PRSS3: variants seen among roughly 807,000 people sequenced by gnomAD.
The protein encoded by PRSS3 is trypsin-3.
Under a neutral mutation model 20.8 loss-of-function variants are expected in PRSS3, and 14 were observed. That is an observed-to-expected ratio of 0.67 (90% CI 0.44 to 1.05). PRSS3 has a LOEUF of 1.05. Among genes scored for constraint, PRSS3 ranks in the 50% least tolerant of loss-of-function variants. PRSS3 has a pLI of 0.00. For missense variants in PRSS3, 237 were observed against 306.4 expected (o/e 0.77, Z 1.69); for synonymous variants, 91 against 117.6 (o/e 0.77, Z 1.46).
At position 33,798,673 on chromosome 9, in the gene PRSS3, C is replaced by A. The variant is rs941584680; in HGVS notation, c.591+51C>A. On this transcript the variant is annotated intron_variant, in intron 4 of 4. Coordinates refer to ENST00000379405, the MANE Select transcript of PRSS3 (RefSeq NM_002771.4). The stretch of plus-strand genomic sequence containing the variant: ...GGCTCCCACCGATACCCAGGCCCCA[C>A]CGGGGAAAAAGATTTGAACTCCCAA... 3 of 1,583,784 alleles carry A rather than the reference C, an allele frequency of 1.9e-6. No individual in the cohort carries two copies. In the East Asian group the frequency reaches 6.8e-5, roughly 36 times the overall value.
chr9:33,760,516 G>A lies in PRSS3; in HGVS notation c.-53+9789G>A, dbSNP rs552532114. On this transcript the variant is annotated intron_variant, in intron 1 of 5. Coordinates refer to the PRSS3 transcript ENST00000342836. ...AATCCCAGCACTTTGGGAGGCCGAC[G>A]CTGGTGGATCATGAGGTCAGGAGAT... Among the ~76,000 whole-genome samples, 40 of 152,156 alleles carry A rather than the reference G, an allele frequency of 2.6e-4. No individual in the cohort carries two copies. The South Asian group carries it at 4.6e-3, about 17-fold the overall frequency.
chr9:33,795,406 A>G (rs1824860565), upstream of PRSS3: 3 of 892,990 alleles, frequency 3.4e-6, no homozygotes, highest in Admixed American at 6.5e-5. Flanking sequence ...AAACCCACAG[A>G]GTGGCCAAAC....
At chr9:33,786,366 T>C (rs112104938) in intron 1 of PRSS3, 6,267 of 617,676 alleles carry the variant, frequency 0.01, 53 homozygotes, top group Non-Finnish European at 0.013. Context: ...GAAGGGGATA[T>C]GTTAGATTAA....
At chr9:33,791,326 A>C (rs1392590658), upstream of PRSS3, among the ~76,000 whole-genome samples, 5 of 152,076 alleles carry the variant, frequency 3.3e-5, no homozygotes, top group Admixed American at 1.3e-4. Flanking sequence ...TGGATGGAGC[A>C]CTCAGTTCTG....
chr9:33,774,900 C>T (rs1319659548), intron 1 of PRSS3, among the ~76,000 whole-genome samples: 2 of 152,136 alleles, frequency 1.3e-5, no homozygotes, highest in Middle Eastern at 3.4e-3. Context: ...GCAGGAGAAT[C>T]GCTTGAATCT....
At chr9:33,773,865 C>A (rs1028887749) in intron 1 of PRSS3, among the ~76,000 whole-genome samples, 2 of 152,168 alleles carry the variant, frequency 1.3e-5, no homozygotes, top group Non-Finnish European at 2.9e-5. Flanking sequence ...ATCTTGAACT[C>A]CTGGGCTCAA....
At chr9:33,796,169 C>G (rs1227539298) in intron 1 of PRSS3, among the ~76,000 whole-genome samples, 2 of 152,216 alleles carry the variant, frequency 1.3e-5, no homozygotes, top group Non-Finnish European at 2.9e-5. Flanking sequence ...TGGGGCTGCC[C>G]TCAACTCTGC....
chr9:33,767,825 G>GA (rs942197956), intron 1 of PRSS3, among the ~76,000 whole-genome samples: 44 of 146,192 alleles, frequency 3.0e-4, no homozygotes, highest in Middle Eastern at 3.5e-3. Context: ...ACCTCTGTCT[G>GA]AAAAAAAAAG....
chr9:33,777,900 AT>A (rs1241768788), intron 1 of PRSS3, among the ~76,000 whole-genome samples: 1 of 152,156 alleles, frequency 6.6e-6, no homozygotes, highest in African/African-American at 2.4e-5. Context: ...ATAGTTTTAA[AT>A]GTATCATTCT....
At chr9:33,752,292 C>G (rs556851695) in intron 1 of PRSS3, among the ~76,000 whole-genome samples, 2 of 152,302 alleles carry the variant, frequency 1.3e-5, no homozygotes, top group Non-Finnish European at 2.9e-5. Context: ...TCCCCCCTAC[C>G]TTCAGTTAAA....
chr9:33,776,982 A>G (rs1278122591), intron 1 of PRSS3, among the ~76,000 whole-genome samples: 1 of 152,172 alleles, frequency 6.6e-6, no homozygotes, highest in African/African-American at 2.4e-5. Flanking sequence ...TCTGTAGAAA[A>G]CCTACCTAGG....
At chr9:33,798,807 G>A (rs1171923275) in intron 4 of PRSS3, 185 bp downstream of exon 4, 1 of 1,134,560 alleles carries the variant, frequency 8.8e-7, no homozygotes, top group Non-Finnish European at 1.3e-6. Context: ...GAGGAAGGTG[G>A]CGGGGCTGAG....
At chr9:33,752,232 G>A (rs863849) in intron 1 of PRSS3, among the ~76,000 whole-genome samples, 16,937 of 152,154 alleles carry the variant, frequency 0.11, 1,363 homozygotes, top group African/African-American at 0.22. Flanking sequence ...GATGGCCGAG[G>A]CGAAGTTATT....
intron 1 of PRSS3, among the ~76,000 whole-genome samples, chr9:33,763,441 TG>T (rs1364809694): frequency 6.6e-6 from 1 of 152,226 alleles, no homozygotes; most frequent in Non-Finnish European, 1.5e-5. Context: ...GGCTCACGCC[TG>T]TAATCCCAGC....
intron 1 of PRSS3, among the ~76,000 whole-genome samples, chr9:33,775,700 G>T (rs1210961752): frequency 1.6e-5 from 2 of 128,694 alleles, no homozygotes; most frequent in African/African-American, 2.9e-5. Flanking sequence ...TGGGCTTGAA[G>T]TTTTTTTTTT....
At chr9:33,762,260 C>G (rs1188725535) in intron 1 of PRSS3, 4 of 152,248 alleles carry the variant, frequency 2.6e-5, no homozygotes, top group Non-Finnish European at 5.9e-5. Flanking sequence ...TCCTTCTGAC[C>G]GTGCTGTTCC....
chr9:33,764,792 C>T (rs1463382933), intron 1 of PRSS3, among the ~76,000 whole-genome samples: 9 of 152,122 alleles, frequency 5.9e-5, no homozygotes, highest in Non-Finnish European at 8.8e-5. Flanking sequence ...TGTTAAGAAA[C>T]CTGTATCTAG....
chr9:33,792,380 T>C (rs1824674018), upstream of PRSS3, among the ~76,000 whole-genome samples: 4 of 152,204 alleles, frequency 2.6e-5, no homozygotes, highest in Admixed American at 1.3e-4. Context: ...CAGACTACTA[T>C]GAGGTCTGAA....
chr9:33,785,685 AG>A (rs1337477826), intron 1 of PRSS3, among the ~76,000 whole-genome samples: 7 of 152,210 alleles, frequency 4.6e-5, no homozygotes, highest in Non-Finnish European at 7.4e-5. Flanking sequence ...GGAAAAAAAG[AG>A]GCTTATGGAA....
Sources: allele counts gnomAD v4.1 joint callset (sites outside exome capture counted in the v4.1 genomes callset), GRCh38; gene constraint gnomAD v4.1.1; transcripts MANE v1.5; gene names NCBI Gene and HGNC (gene_info 2026-07-23, HGNC 2026-07-21).